ARHGEF11: variants seen among roughly 807,000 people sequenced by gnomAD.
ARHGEF11 encodes the protein Rho guanine exchange factor (GEF) 11.
Under a neutral mutation model 193.7 loss-of-function variants are expected in ARHGEF11, and 55 were observed. The observed-to-expected ratio is 0.28, with a 90% confidence interval of 0.23 to 0.36. The LOEUF (loss-of-function observed/expected upper bound fraction) is 0.36, where lower values mean the gene tolerates loss of function less well. ARHGEF11 is among the 10% of genes least tolerant of loss of function. The probability of loss-of-function intolerance (pLI) is 1.00; values close to 1 mark genes in which losing one functional copy is unlikely to be tolerated. For synonymous variants in ARHGEF11, 693 were observed against 768.0 expected, an observed-to-expected ratio of 0.90 and a Z score of 1.62; for missense variants, 1,723 against 2,005.6, an observed-to-expected ratio of 0.86 and a Z score of 2.69.
intron 1 of ARHGEF11, among the ~76,000 whole-genome samples, chr1:157,010,583 A>G (rs561283290): frequency 3.0e-5 from 1 of 33,624 alleles, no homozygotes; most frequent in South Asian, 2.0e-3. Flanking sequence ...TTATTTTTAA[A>G]TTTTTTGTAG....
At chr1:157,040,434 C>T (rs138138514) in intron 1 of ARHGEF11, among the ~76,000 whole-genome samples, 5 of 152,322 alleles carry the variant, frequency 3.3e-5, no homozygotes, top group East Asian at 1.9e-4. Context: ...GAAAGTCATA[C>T]GCTTTTAAGA....
At chr1:157,007,833 A>G (rs1000955500) in intron 1 of ARHGEF11, among the ~76,000 whole-genome samples, 2 of 151,974 alleles carry the variant, frequency 1.3e-5, no homozygotes, top group African/African-American at 2.4e-5. Flanking sequence ...ATACACAGTA[A>G]TATCTAACAA....
At chr1:156,987,347 C>A (rs942611317) in intron 1 of ARHGEF11, among the ~76,000 whole-genome samples, 17 of 152,216 alleles carry the variant, frequency 1.1e-4, no homozygotes, top group African/African-American at 3.9e-4. Context: ...TGAAGAGGCT[C>A]TTTATACATG....
intron 21 of ARHGEF11, among the ~76,000 whole-genome samples, chr1:156,954,151 G>A (rs917178042): frequency 5.3e-5 from 8 of 151,976 alleles, no homozygotes; most frequent in Non-Finnish European, 7.4e-5. Context: ...AGGCCAAGGC[G>A]GGCGGATCGC....
At chr1:156,999,832 G>A (rs1666992520) in intron 1 of ARHGEF11, among the ~76,000 whole-genome samples, 1 of 152,192 alleles carries the variant, frequency 6.6e-6, no homozygotes, top group Non-Finnish European at 1.5e-5. Flanking sequence ...GCCACTGTGT[G>A]GCACTGGGCA....
intron 1 of ARHGEF11, among the ~76,000 whole-genome samples, chr1:157,023,198 C>G (rs1670205215): frequency 6.6e-6 from 1 of 152,140 alleles, no homozygotes; most frequent in Non-Finnish European, 1.5e-5. Flanking sequence ...AGTGGAAAGA[C>G]AATCCATGAG....
intron 1 of ARHGEF11, among the ~76,000 whole-genome samples, chr1:157,010,607 T>C (rs1272121374): frequency 6.6e-6 from 1 of 151,802 alleles, no homozygotes; most frequent in Non-Finnish European, 1.5e-5. Flanking sequence ...TGGGTCTTGC[T>C]ACATTACCCA....
Position 156,990,340 on chromosome 1 carries a change from T to C in ARHGEF11, c.33-4167A>G, listed in dbSNP as rs138947581. ...ATAGCTTGCCCCATTTTGGTGACGG[T>C]AGGTTTGATTACTCAGGTAAAGTGG... On this transcript the variant is annotated intron_variant, in intron 1 of 40. Transcript: ENST00000368194. Among the ~76,000 whole-genome samples, 10 of 152,304 alleles carry C rather than the reference T, an allele frequency of 6.6e-5. No individual in the cohort carries two copies. The East Asian group carries it at 1.9e-3, about 29-fold the overall frequency.
intron 1 of ARHGEF11, among the ~76,000 whole-genome samples, chr1:156,989,603 GCTATA>G (rs1159955989): frequency 6.6e-6 from 1 of 152,180 alleles, no homozygotes; most frequent in Non-Finnish European, 1.5e-5. Context: ...CCTAAGCGAT[GCTATA>G]CTCATTCCCA....
intron 30 of ARHGEF11, 43 bp from the exon 31 acceptor site, chr1:156,944,476 TCATTC>T: frequency 1.5e-6 from 2 of 1,341,814 alleles, no homozygotes; most frequent in South Asian, 1.3e-5. Context: ...ATTCATTCAT[TCATTC>T]AAGTGTTTGA....
At chr1:156,993,892 A>C (rs1156530004) in intron 1 of ARHGEF11, among the ~76,000 whole-genome samples, 1 of 152,198 alleles carries the variant, frequency 6.6e-6, no homozygotes, top group African/African-American at 2.4e-5. Context: ...CTGGCAGTGC[A>C]CCAGAGAAGG....
intron 1 of ARHGEF11, among the ~76,000 whole-genome samples, chr1:157,003,170 G>T (rs1642031340): frequency 6.6e-6 from 1 of 152,190 alleles, no homozygotes; most frequent in Non-Finnish European, 1.5e-5. Context: ...ATAAGAAAAT[G>T]GGCTACAGAA....
At chr1:157,010,291 A>G (rs963134883) in intron 1 of ARHGEF11, among the ~76,000 whole-genome samples, 1 of 152,250 alleles carries the variant, frequency 6.6e-6, no homozygotes, top group Non-Finnish European at 1.5e-5. Flanking sequence ...AGGTATCCAG[A>G]TGGAAAAGGA....
chr1:157,040,569 AC>A (rs1672614456), intron 1 of ARHGEF11, among the ~76,000 whole-genome samples: 1 of 152,134 alleles, frequency 6.6e-6, no homozygotes, highest in Non-Finnish European at 1.5e-5. Flanking sequence ...AGATTCAGTA[AC>A]CCTTCTCTTC....
rs1397686617 is a variant in ARHGEF11 at position 156,947,295 on chromosome 1, G to C, written c.2488+9C>G. On this transcript the variant is annotated intron_variant, in intron 26 of 40. Coordinates refer to ENST00000368194, the MANE Select transcript of ARHGEF11 (RefSeq NM_198236.3). ...AGAAGAGGAGTCTGGAGGGGCACAG[G>C]CTCCTTACTGTGAATCTCTATGAGT... 2.5e-6 allele frequency: 4 copies of C among 1,597,086 alleles called. No individual in the cohort carries two copies. The highest frequency in any genetic ancestry group is 3.4e-6 in the Non-Finnish European group (4 of 1,173,756).
At chr1:157,018,649 GAA>G (rs1052018208) in intron 1 of ARHGEF11, among the ~76,000 whole-genome samples, 6 of 76,538 alleles carry the variant, frequency 7.8e-5, no homozygotes, top group East Asian at 3.8e-4. Context: ...GTCTCAAAAA[GAA>G]AAAAAAAAAA....
At chr1:156,946,559 T>A in intron 28 of ARHGEF11, 103 bp downstream of exon 28, 1 of 1,510,246 alleles carries the variant, frequency 6.6e-7, no homozygotes, top group Non-Finnish European at 9.1e-7. Context: ...GTAGAGGGAG[T>A]TGCTGTAGAC....
intron 31 of ARHGEF11, 99 bp from the exon 32 acceptor site, chr1:156,944,201 T>C (rs1380505875): frequency 3.2e-5 from 47 of 1,484,760 alleles, no homozygotes; most frequent in Non-Finnish European, 3.6e-5. Context: ...TAGGAAGTCC[T>C]GGGAGTCTGG....
chr1:156,980,847 G>GGGA (rs1491068175), intron 3 of ARHGEF11, among the ~76,000 whole-genome samples: 2 of 40,888 alleles, frequency 4.9e-5, no homozygotes, highest in African/African-American at 1.7e-4. Flanking sequence ...GGGGGGGGGG[G>GGGA]AAATGAGTTT....
Sources: gnomAD v4.1 joint callset for allele counts (sites outside exome capture counted in the v4.1 genomes callset) on GRCh38, gnomAD v4.1.1 for gene constraint, MANE v1.5 for transcripts, NCBI Gene and HGNC (gene_info 2026-07-23, HGNC 2026-07-21) for gene names.